The following FER variants were observed in gnomAD, a reference collection of about 807,000 sequenced individuals.
The protein encoded by FER is tyrosine-protein kinase Fer.
Under a neutral mutation model 111.0 loss-of-function variants are expected in FER, and 63 were observed. That is an observed-to-expected ratio of 0.57 (90% CI 0.46 to 0.70). The LOEUF is 0.70. FER is among the 30% of genes least tolerant of loss of function. The pLI is 0.00. For missense variants in FER, 914 were observed against 954.0 expected (o/e 0.96, Z 0.55); for synonymous variants, 327 against 313.9 (o/e 1.04, Z -0.44).
intron 13 of FER, among the ~76,000 whole-genome samples, chr5:109,004,673 A>G (rs1190371996): frequency 1.3e-5 from 2 of 152,210 alleles, no homozygotes; most frequent in African/African-American, 2.4e-5. Flanking sequence ...TAAAATTTAC[A>G]TTACAGAGCA....
At chr5:108,991,158 GA>G (rs1338355676) in intron 13 of FER, among the ~76,000 whole-genome samples, 3 of 151,630 alleles carry the variant, frequency 2.0e-5, no homozygotes, top group Non-Finnish European at 4.4e-5. Context: ...TTTCAATATT[GA>G]AATTAAATAC....
intron 13 of FER, among the ~76,000 whole-genome samples, chr5:108,998,320 T>G (rs1440763159): frequency 6.6e-6 from 1 of 152,020 alleles, no homozygotes; most frequent in Non-Finnish European, 1.5e-5. Flanking sequence ...TTGTGAAGAC[T>G]GGGAAAAGCA....
At chr5:109,066,736 C>A (rs923886828) in intron 16 of FER, among the ~76,000 whole-genome samples, 1 of 152,152 alleles carries the variant, frequency 6.6e-6, no homozygotes, top group Admixed American at 6.5e-5. Context: ...GGATTAATTA[C>A]ACTATTTGTT....
chr5:108,785,519 G>T, intron 2 of FER: 1 of 560,096 alleles, frequency 1.8e-6, no homozygotes, highest in Non-Finnish European at 3.6e-6. Context: ...AGACAACCTG[G>T]TGTGAGTGTG....
At chr5:108,915,543 C>A (rs1255638391) in intron 10 of FER, among the ~76,000 whole-genome samples, 6 of 151,732 alleles carry the variant, frequency 4.0e-5, no homozygotes, top group Non-Finnish European at 8.8e-5. Context: ...TATAATAAGG[C>A]ACAGTTTTTA....
At chr5:109,132,466 A>G (rs1460279455) in intron 17 of FER, among the ~76,000 whole-genome samples, 1 of 152,128 alleles carries the variant, frequency 6.6e-6, no homozygotes, top group Non-Finnish European at 1.5e-5. Context: ...TAGACTTAGA[A>G]CTTCAACCCC....
At chr5:109,066,943 G>T (rs931644813) in intron 16 of FER, among the ~76,000 whole-genome samples, 6 of 152,116 alleles carry the variant, frequency 3.9e-5, no homozygotes, top group African/African-American at 1.4e-4. Context: ...TTTGTTTTAG[G>T]GGCCTTAGGA....
chr5:108,780,768 A>G (rs527293284), intron 2 of FER, among the ~76,000 whole-genome samples: 23 of 150,596 alleles, frequency 1.5e-4, no homozygotes, highest in African/African-American at 5.1e-4. Context: ...CATTACATGT[A>G]TGTTACACCT....
intron 13 of FER, among the ~76,000 whole-genome samples, chr5:108,997,345 G>A (rs1393088066): frequency 6.6e-6 from 1 of 150,992 alleles, no homozygotes; most frequent in Non-Finnish European, 1.5e-5. Flanking sequence ...GTGAACCCAG[G>A]AGGCAGAGCT....
At chr5:108,851,799 C>T (rs1430693572) in intron 5 of FER, among the ~76,000 whole-genome samples, 1 of 152,060 alleles carries the variant, frequency 6.6e-6, no homozygotes, top group Non-Finnish European at 1.5e-5. Flanking sequence ...TAGAATTATG[C>T]TAGGGTTTTA....
intron 2 of FER, among the ~76,000 whole-genome samples, chr5:108,769,419 A>G (rs947750269): frequency 6.6e-6 from 1 of 152,150 alleles, no homozygotes; most frequent in Non-Finnish European, 1.5e-5. Context: ...TGACACAGAG[A>G]AAGAGGCAGA....
chr5:108,909,481 G>C (rs1436026838), intron 10 of FER, among the ~76,000 whole-genome samples: 1 of 152,044 alleles, frequency 6.6e-6, no homozygotes, highest in African/African-American at 2.4e-5. Flanking sequence ...TCAAGGTTGT[G>C]TAAAAAAATC....
chr5:108,771,614 T>G (rs1752910967), intron 2 of FER, among the ~76,000 whole-genome samples: 1 of 152,198 alleles, frequency 6.6e-6, no homozygotes, highest in Non-Finnish European at 1.5e-5. Context: ...TTTCAACATT[T>G]ATTGAAAATG....
intron 5 of FER, chr5:108,841,975 G>C (rs1761317573): frequency 6.0e-6 from 1 of 167,104 alleles, no homozygotes; most frequent in Non-Finnish European, 1.3e-5. Flanking sequence ...GATAACCTGA[G>C]AAATTTTACC....
chr5:108,770,975 C>T (rs1752835015), intron 2 of FER, among the ~76,000 whole-genome samples: 1 of 150,862 alleles, frequency 6.6e-6, no homozygotes, highest in Non-Finnish European at 1.5e-5. Context: ...CTCACTCTGT[C>T]ACCCAGGCTG....
chr5:108,791,039 T>G (rs1755308162), intron 2 of FER, among the ~76,000 whole-genome samples: 1 of 152,232 alleles, frequency 6.6e-6, no homozygotes, highest in Non-Finnish European at 1.5e-5. Context: ...TATTTATCTG[T>G]TCACCTGTTG....
intron 11 of FER, among the ~76,000 whole-genome samples, chr5:108,950,649 A>G (rs1164850034): frequency 2.6e-5 from 4 of 152,202 alleles, no homozygotes; most frequent in South Asian, 2.1e-4. Flanking sequence ...GATTAATTCA[A>G]TAGATTCAAA....
chr5:109,026,328 T>C (rs1006103499), intron 13 of FER, among the ~76,000 whole-genome samples: 1 of 152,230 alleles, frequency 6.6e-6, no homozygotes, highest in African/African-American at 2.4e-5. Context: ...ACTTTTGGAT[T>C]ATTTAGAATG....
At chr5:108,911,163 C>G (rs1751494014) in intron 10 of FER, among the ~76,000 whole-genome samples, 1 of 152,134 alleles carries the variant, frequency 6.6e-6, no homozygotes, top group Admixed American at 6.5e-5. Context: ...CATAGCCATT[C>G]TGACTGACGT....
Sources: allele counts gnomAD v4.1 joint callset (sites outside exome capture counted in the v4.1 genomes callset), GRCh38; gene constraint gnomAD v4.1.1; transcripts MANE v1.5; gene names NCBI Gene and HGNC (gene_info 2026-07-23, HGNC 2026-07-21).